The following PCED1B variants were observed in gnomAD, a reference collection of about 807,000 sequenced individuals.
PCED1B encodes PC-esterase domain-containing protein 1B.
For missense variants in PCED1B, 573 were observed against 573.9 expected, an observed-to-expected ratio of 1.00 and a Z score of 0.02; for synonymous variants, 251 against 246.1, an observed-to-expected ratio of 1.02 and a Z score of -0.19.
At chr12:47,220,068 CA>C (rs763940625) in intron 3 of PCED1B, among the ~76,000 whole-genome samples, 28,555 of 102,920 alleles carry the variant, frequency 0.28, 2,741 homozygotes, top group East Asian at 0.39. Flanking sequence ...GACACTGCCT[CA>C]AAAAAAAAAA....
chr12:47,146,037 A>G (rs1940770319), intron 2 of PCED1B, among the ~76,000 whole-genome samples: 1 of 152,248 alleles, frequency 6.6e-6, no homozygotes, highest in Non-Finnish European at 1.5e-5. Context: ...GAGAACATTC[A>G]TGATTCATAG....
Position 47,235,524 on chromosome 12 carries a change from T to A in PCED1B, c.461T>A (p.Leu154Gln). 6.2e-7 allele frequency: 1 copy of A among 1,611,870 alleles called. No homozygotes were observed. Among genetic ancestry groups the A allele is most frequent in the Non-Finnish European group, 8.5e-7 (1 of 1,178,536 alleles). Residue 154 changes from leucine (L) to glutamine (Q), a missense_variant, in exon 4 of 4, where the codon CTG (leucine) becomes CAG (glutamine). Leu to Gln is a moderately radical substitution (Grantham distance 113, BLOSUM62 -2). Coordinates refer to ENST00000546455, the MANE Select transcript of PCED1B (RefSeq NM_138371.3). ...ENLFQCLGQV[L>Q]PESCLLVWNT... ...CTGTTCCAGTGCCTGGGCCAGGTGC[T>A]GCCCGAGTCTTGCCTCCTGGTGTGG...
rs1179618006 is a variant in PCED1B at position 47,235,519 on chromosome 12, G to A, written c.456G>A (p.Gln152=). ...AGAACCTGTTCCAGTGCCTGGGCCA[G>A]GTGCTGCCCGAGTCTTGCCTCCTGG... is the stretch of plus-strand genomic sequence containing the variant. ...NLENLFQCLG[Q]VLPESCLLVW... Residue 152 remains glutamine (Q), a synonymous_variant, in exon 4 of 4, where the codon CAG becomes CAA. Transcript: ENST00000546455. 1.9e-6 allele frequency: 3 copies of A among 1,611,988 alleles called. No individual in the cohort carries two copies. The highest frequency in any genetic ancestry group is 2.5e-6 in the Non-Finnish European group (3 of 1,178,692).
intron 3 of PCED1B, among the ~76,000 whole-genome samples, chr12:47,217,445 A>AAAGAAAGAAG (rs1943299645): frequency 1.3e-5 from 1 of 78,740 alleles, no homozygotes; most frequent in African/African-American, 1.1e-4. Context: ...AAAAAGAAAG[A>AAAGAAAGAAG]AAGAAAGAAA....
chr12:47,143,749 A>C (rs78178863), intron 2 of PCED1B, among the ~76,000 whole-genome samples: 3,880 of 152,290 alleles, frequency 0.025, 136 homozygotes, highest in East Asian at 0.076. Flanking sequence ...TTGTAAACAC[A>C]AAAGACCCTG....
chr12:47,213,250 C>T (rs1002351407), intron 2 of PCED1B, among the ~76,000 whole-genome samples: 3 of 152,290 alleles, frequency 2.0e-5, no homozygotes, highest in South Asian at 2.1e-4. Flanking sequence ...GAGAAGATTT[C>T]GTACCCTAAT....
At chr12:47,085,318 A>C (rs1162223942) in intron 1 of PCED1B, among the ~76,000 whole-genome samples, 1 of 152,194 alleles carries the variant, frequency 6.6e-6, no homozygotes, top group East Asian at 1.9e-4. Flanking sequence ...TTGTTTCTTC[A>C]CCTGCCAGTT....
chr12:47,088,088 G>T lies in PCED1B; in HGVS notation c.-609+8363G>T, dbSNP rs187336864. Among the ~76,000 whole-genome samples, 3 of 152,288 alleles carry T rather than the reference G, an allele frequency of 2.0e-5. No individual in the cohort carries two copies. In the East Asian group the frequency reaches 5.8e-4, roughly 29 times the overall value. ...AGATGGAAACGCAGTACTAATATGT[G>T]CACTGTTTAATTTCACAAAGTTGAC... On this transcript the variant is annotated intron_variant, in intron 1 of 3. Coordinates refer to ENST00000546455, the MANE Select transcript of PCED1B (RefSeq NM_138371.3).
chr12:47,193,655 C>T (rs1172466423), intron 2 of PCED1B, among the ~76,000 whole-genome samples: 1 of 152,186 alleles, frequency 6.6e-6, no homozygotes, highest in Non-Finnish European at 1.5e-5. Flanking sequence ...TGAGTAGCTT[C>T]AATCATGGTT....
chr12:47,147,614 TTCTA>T (rs1180742814), intron 2 of PCED1B, among the ~76,000 whole-genome samples: 5 of 152,232 alleles, frequency 3.3e-5, no homozygotes, highest in African/African-American at 9.6e-5. Flanking sequence ...ACCATCCATA[TTCTA>T]TCTGTCTACC....
At chr12:47,191,584 G>A (rs1022451388) in intron 2 of PCED1B, among the ~76,000 whole-genome samples, 3 of 152,086 alleles carry the variant, frequency 2.0e-5, no homozygotes, top group Admixed American at 6.6e-5. Context: ...AAGAAATACC[G>A]CAGGCCTGCC....
chr12:47,232,418 A>G (rs965612930), intron 3 of PCED1B, among the ~76,000 whole-genome samples: 1 of 152,224 alleles, frequency 6.6e-6, no homozygotes, highest in African/African-American at 2.4e-5. Flanking sequence ...TTTTGTATTT[A>G]TACCCATTTA....
rs191520197 is a variant in PCED1B, at chr12:47,203,436, A to G, written c.-525-12786A>G. ...GTATTAAGCCCAGCATCCACTAGCA[A>G]TTCTTCCTGATTCTCTCCCTCCTCC... On this transcript the variant is annotated intron_variant, in intron 2 of 3. Transcript: ENST00000546455. 2.5e-4 allele frequency among the ~76,000 whole-genome samples: 38 copies of G among 152,154 alleles called. No homozygotes were observed. In the Middle Eastern group the frequency reaches 0.02, roughly 82 times the overall value.
intron 2 of PCED1B, among the ~76,000 whole-genome samples, chr12:47,165,662 G>C (rs2137526628): frequency 6.6e-6 from 1 of 152,204 alleles, no homozygotes; most frequent in Non-Finnish European, 1.5e-5. Context: ...AAAGCTAATG[G>C]ACAAATGTTG....
At chr12:47,106,145 C>G (rs1356441673) in intron 2 of PCED1B, among the ~76,000 whole-genome samples, 1 of 151,926 alleles carries the variant, frequency 6.6e-6, no homozygotes, top group Non-Finnish European at 1.5e-5. Context: ...TGCTCCTGGC[C>G]CGGTGCCCTT....
intron 1 of PCED1B, among the ~76,000 whole-genome samples, chr12:47,098,012 C>T (rs1197131515): frequency 6.6e-6 from 1 of 152,206 alleles, no homozygotes; most frequent in African/African-American, 2.4e-5. Context: ...GTAAGGCTAG[C>T]CACATGCCAG....
chr12:47,227,230 G>A (rs1943658866), intron 3 of PCED1B, among the ~76,000 whole-genome samples: 1 of 152,080 alleles, frequency 6.6e-6, no homozygotes, highest in African/African-American at 2.4e-5. Flanking sequence ...GCAGCAAGAT[G>A]GCAAGATCTC....
intron 2 of PCED1B, among the ~76,000 whole-genome samples, chr12:47,192,474 A>T (rs1265307426): frequency 6.6e-6 from 1 of 152,194 alleles, no homozygotes; most frequent in East Asian, 1.9e-4. Context: ...ATGGTAAATG[A>T]TTTCATTCAA....
chr12:47,161,544 A>G (rs1266717731), intron 2 of PCED1B, among the ~76,000 whole-genome samples: 1 of 152,234 alleles, frequency 6.6e-6, no homozygotes, highest in Admixed American at 6.5e-5. Context: ...ATTTCTATAA[A>G]GAAATACCTG....
Sources: allele counts gnomAD v4.1 joint callset (sites outside exome capture counted in the v4.1 genomes callset), GRCh38; gene constraint gnomAD v4.1.1; transcripts MANE v1.5; gene names NCBI Gene and HGNC (gene_info 2026-07-23, HGNC 2026-07-21).